WDR7: variants seen among roughly 807,000 people sequenced by gnomAD.
The protein encoded by WDR7 is WD repeat domain 7.
In WDR7, 46 loss-of-function variants were observed where a neutral mutation model predicts 169.4. The observed-to-expected ratio is 0.27, with a 90% CI of 0.21 to 0.35. The LOEUF (loss-of-function observed/expected upper bound fraction) is 0.35. WDR7 is among the 10% of genes least tolerant of loss of function. The pLI is 1.00. For missense variants in WDR7, 1,534 were observed against 1,859.3 expected (o/e 0.83, Z 3.22); for synonymous variants, 612 against 666.8 (o/e 0.92, Z 1.27).
chr18:56,725,041 T>A (rs1484285260), intron 13 of WDR7, among the ~76,000 whole-genome samples: 2 of 151,442 alleles, frequency 1.3e-5, no homozygotes, highest in East Asian at 3.8e-4. Context: ...ATTTGCTTAA[T>A]CCAGTCTATC....
At chr18:56,802,590 G>A (rs1251113168) in intron 19 of WDR7, among the ~76,000 whole-genome samples, 2 of 148,712 alleles carry the variant, frequency 1.3e-5, no homozygotes, top group East Asian at 2.0e-4. Flanking sequence ...GGATGGTCTC[G>A]ATCTCCTGAC....
chr18:57,003,718 C>G (rs896231995), intron 26 of WDR7, among the ~76,000 whole-genome samples: 1 of 151,960 alleles, frequency 6.6e-6, no homozygotes, highest in African/African-American at 2.4e-5. Flanking sequence ...ATTTAATAAT[C>G]CTTACGTTAA....
Position 56,957,501 on chromosome 18 carries a change from T to C in WDR7, c.4065-4929T>C, listed in dbSNP as rs534864576. ...AAAAAAAAAGGTAGAAAAAGCTCTC[T>C]TAAGATCCAGATCCAGTAAATAGTT... On this transcript the variant is annotated intron_variant, in intron 25 of 27. Transcript: ENST00000254442. 4 of 152,042 alleles carry C rather than the reference T, an allele frequency of 2.6e-5. No homozygotes were observed. In the South Asian group the frequency reaches 8.3e-4, roughly 32 times the overall value. The allele number at this position is 152,042 out of a possible 1,614,324, so 9.4% of individuals were successfully genotyped here. A position where few individuals can be genotyped will look rare whatever the true frequency, so the allele number is the denominator to read the frequency against.
chr18:56,875,759 G>A (rs914440214), intron 20 of WDR7, among the ~76,000 whole-genome samples: 1 of 152,164 alleles, frequency 6.6e-6, no homozygotes, highest in African/African-American at 2.4e-5. Flanking sequence ...ATGAGGGCAG[G>A]GCTTTACTTA....
At chr18:56,778,315 T>C (rs1032527472) in intron 17 of WDR7, among the ~76,000 whole-genome samples, 1 of 152,154 alleles carries the variant, frequency 6.6e-6, no homozygotes, top group Non-Finnish European at 1.5e-5. Flanking sequence ...AAGATTACAG[T>C]TTAGATTATT....
chr18:56,854,574 T>C (rs2045690213), intron 20 of WDR7, among the ~76,000 whole-genome samples: 1 of 152,188 alleles, frequency 6.6e-6, no homozygotes, highest in Non-Finnish European at 1.5e-5. Context: ...ATTAATGTGA[T>C]TGGACAGAAA....
chr18:56,880,718 A>G (rs927773766), intron 21 of WDR7, among the ~76,000 whole-genome samples: 4 of 152,244 alleles, frequency 2.6e-5, no homozygotes, highest in African/African-American at 4.8e-5. Flanking sequence ...TAACCCTGTA[A>G]TTTAAAAAAT....
At chr18:57,004,851 G>A (rs2048033451) in intron 26 of WDR7, among the ~76,000 whole-genome samples, 1 of 152,210 alleles carries the variant, frequency 6.6e-6, no homozygotes, top group Admixed American at 6.5e-5. Context: ...TTCATAGCTG[G>A]AACAGGAAGT....
Position 56,705,379 on chromosome 18 carries a change from A to T in WDR7, c.1578+8917A>T, listed in dbSNP as rs558541430. Among the ~76,000 whole-genome samples, 104 of 152,056 alleles carry T rather than the reference A, an allele frequency of 6.8e-4. 1 individual carries two copies. Among genetic ancestry groups the T allele is most frequent in the African/African-American group, 2.4e-3 (101 of 41,440 alleles). Reference sequence around the variant, plus strand: ...GTTATAAAGGAGTATGATAAATCTTATGGAAAGGGGTTTTTCAAAGCCCTC... The same window carrying T: ...GTTATAAAGGAGTATGATAAATCTTTTGGAAAGGGGTTTTTCAAAGCCCTC... On this transcript the variant is annotated intron_variant, in intron 12 of 27. Transcript: ENST00000254442.
At chr18:56,846,797 CT>C (rs1599096441) in intron 20 of WDR7, among the ~76,000 whole-genome samples, 2 of 152,322 alleles carry the variant, frequency 1.3e-5, no homozygotes, top group East Asian at 3.9e-4. Flanking sequence ...TCCTGAGGCT[CT>C]CACCAGAAGC....
chr18:56,695,114 C>A lies in WDR7; in HGVS notation c.1273C>A (p.Arg425Ser). The change falls in exon 11 of 28, where the codon CGT becomes AGT. Residue 425 changes from arginine (R) to serine (S), a missense_variant. Arg to Ser is a moderately radical substitution (Grantham distance 110). Coordinates refer to ENST00000254442, the MANE Select transcript of WDR7 (RefSeq NM_015285.3). Reference protein sequence around the residue: ...IPAHGRLVCGREDGSIVIVPA... With the variant: ...IPAHGRLVCGSEDGSIVIVPA... ...AGCACATGGACGACTTGTTTGTGGT[C>A]GTGAAGATGGAAGCATAGTTATTGT... The A allele has an allele frequency of 6.2e-7, 1 of 1,613,908 alleles. No individual in the cohort carries two copies. The highest frequency in any genetic ancestry group is 1.1e-5 in the South Asian group (1 of 91,036).
At chr18:56,854,905 C>T (rs1309294917) in intron 20 of WDR7, among the ~76,000 whole-genome samples, 1 of 152,044 alleles carries the variant, frequency 6.6e-6, no homozygotes, top group Non-Finnish European at 1.5e-5. Flanking sequence ...AACATAATAA[C>T]AAAAGACAGT....
chr18:57,018,656 C>G (rs191272858), intron 26 of WDR7, among the ~76,000 whole-genome samples: 17 of 152,300 alleles, frequency 1.1e-4, no homozygotes, highest in Admixed American at 1.0e-3. Flanking sequence ...GTTTTTTGCA[C>G]TTTTGCAGGC....
intron 20 of WDR7, among the ~76,000 whole-genome samples, chr18:56,859,360 G>A (rs1227482800): frequency 6.6e-6 from 1 of 152,072 alleles, no homozygotes; most frequent in African/African-American, 2.4e-5. Context: ...CTTTAGAGGT[G>A]GTCTGCCTGG....
chr18:56,873,023 A>G (rs1032219168), intron 20 of WDR7, among the ~76,000 whole-genome samples: 1 of 152,218 alleles, frequency 6.6e-6, no homozygotes, highest in Non-Finnish European at 1.5e-5. Context: ...GGAATGAGAA[A>G]TTGCTGTGTT....
intron 19 of WDR7, among the ~76,000 whole-genome samples, chr18:56,815,279 A>G (rs2044945623): frequency 6.6e-6 from 1 of 152,208 alleles, no homozygotes; most frequent in Non-Finnish European, 1.5e-5. Context: ...TTTGATAACC[A>G]TGTGAAAAAT....
intron 20 of WDR7, chr18:56,873,433 C>T (rs2045980090): frequency 6.6e-6 from 1 of 152,146 alleles, no homozygotes; most frequent in Non-Finnish European, 1.5e-5. Flanking sequence ...TAATTCCTTC[C>T]CCTGGAGTGG....
At chr18:56,700,981 T>C (rs2025821950) in intron 12 of WDR7, among the ~76,000 whole-genome samples, 1 of 152,212 alleles carries the variant, frequency 6.6e-6, no homozygotes, top group South Asian at 2.1e-4. Context: ...AGAATTAAAA[T>C]GTAAGAAAAT....
At chr18:56,888,737 G>C (rs2046229004) in intron 21 of WDR7, among the ~76,000 whole-genome samples, 1 of 152,176 alleles carries the variant, frequency 6.6e-6, no homozygotes, top group African/African-American at 2.4e-5. Context: ...CACATCTGTA[G>C]TAAATTCCAT....
Sources: allele counts gnomAD v4.1 joint callset (sites outside exome capture counted in the v4.1 genomes callset), GRCh38; gene constraint gnomAD v4.1.1; transcripts MANE v1.5; gene names NCBI Gene and HGNC (gene_info 2026-07-23, HGNC 2026-07-21).